Variants in CDH13 observed in about 807,000 individuals in gnomAD.
CDH13 encodes cadherin 13, also known as cadherin-13.
A neutral mutation model predicts 63.8 loss-of-function variants in CDH13; 24 were observed. The ratio of observed to expected loss-of-function variants is 0.38; its 90% CI spans 0.27 to 0.53. CDH13 has a LOEUF of 0.53. CDH13 is among the 20% of genes least tolerant of loss of function. The pLI is 0.85. For missense variants in CDH13, 1,049 were observed against 903.1 expected, an observed-to-expected ratio of 1.16 and a Z score of -2.07; for synonymous variants, 503 against 355.3, an observed-to-expected ratio of 1.42 and a Z score of -4.67.
chr16:83,556,037 C>T (rs934594260), intron 7 of CDH13, among the ~76,000 whole-genome samples: 5 of 152,116 alleles, frequency 3.3e-5, no homozygotes, highest in Non-Finnish European at 7.3e-5. Flanking sequence ...GTGACTCAAA[C>T]TATGCACCAG....
chr16:83,627,740 A>G (rs974975010), intron 8 of CDH13, among the ~76,000 whole-genome samples: 5 of 152,232 alleles, frequency 3.3e-5, no homozygotes, highest in Non-Finnish European at 7.4e-5. Context: ...AGACCCCAAG[A>G]GAGGGTTCTT....
At chr16:83,386,620 T>G (rs1051849406) in intron 6 of CDH13, among the ~76,000 whole-genome samples, 1 of 152,182 alleles carries the variant, frequency 6.6e-6, no homozygotes, top group African/African-American at 2.4e-5. Context: ...GTGCTACCCT[T>G]GCTAGTTGTG....
intron 2 of CDH13, among the ~76,000 whole-genome samples, chr16:82,978,215 TG>T (rs1909787466): frequency 6.6e-6 from 1 of 152,226 alleles, no homozygotes; most frequent in Non-Finnish European, 1.5e-5. Flanking sequence ...GGTTTGGAAT[TG>T]GAACTTATGT....
intron 1 of CDH13, among the ~76,000 whole-genome samples, chr16:82,739,919 G>C (rs1177188099): frequency 5.3e-5 from 8 of 152,114 alleles, no homozygotes. Context: ...GGCTACCTAT[G>C]AAATTATGTC....
chr16:83,336,437 A>T (rs889532209), intron 5 of CDH13, among the ~76,000 whole-genome samples: 1 of 152,190 alleles, frequency 6.6e-6, no homozygotes, highest in Non-Finnish European at 1.5e-5. Context: ...TACGCTAAAA[A>T]ACATTTTAGT....
chr16:83,224,022 A>T (rs1346170254), intron 5 of CDH13, among the ~76,000 whole-genome samples: 1 of 152,146 alleles, frequency 6.6e-6, no homozygotes, highest in Non-Finnish European at 1.5e-5. Context: ...CCCAAAGTCC[A>T]TTGTATCATT....
chr16:83,433,951 A>G (rs116213353), intron 6 of CDH13, among the ~76,000 whole-genome samples: 59 of 152,206 alleles, frequency 3.9e-4, no homozygotes, highest in African/African-American at 1.3e-3. Flanking sequence ...TTGGGGGGGA[A>G]TCAATCTTTT....
At chr16:83,577,603 C>T (rs188503266) in intron 7 of CDH13, among the ~76,000 whole-genome samples, 1 of 152,256 alleles carries the variant, frequency 6.6e-6, no homozygotes, top group Admixed American at 6.5e-5. Context: ...TGGTTGTCTG[C>T]TTTTAAGCAA....
At chr16:83,215,848 G>C (rs2039487199) in intron 4 of CDH13, among the ~76,000 whole-genome samples, 1 of 152,086 alleles carries the variant, frequency 6.6e-6, no homozygotes, top group Non-Finnish European at 1.5e-5. Flanking sequence ...CCTTTCAATT[G>C]TTTTGTTATA....
At chr16:82,896,846 T>TCTCG (rs1372015617) in intron 2 of CDH13, among the ~76,000 whole-genome samples, 1 of 138,848 alleles carries the variant, frequency 7.2e-6, no homozygotes, top group East Asian at 2.3e-4. Flanking sequence ...AGTGGTGCAG[T>TCTCG]CTCGGCTCAC....
intron 6 of CDH13, among the ~76,000 whole-genome samples, chr16:83,471,649 T>C (rs12716738): frequency 0.8 from 121,699 of 152,126 alleles, 48,769 homozygotes; most frequent in East Asian, 0.89. Context: ...GCCCCATGTG[T>C]CCAGCCTCCC....
intron 8 of CDH13, among the ~76,000 whole-genome samples, chr16:83,605,524 C>T (rs1430766615): frequency 6.6e-6 from 1 of 152,170 alleles, no homozygotes; most frequent in Non-Finnish European, 1.5e-5. Flanking sequence ...CCAGTCTCTT[C>T]ACCTGTTAAC....
intron 2 of CDH13, among the ~76,000 whole-genome samples, chr16:83,009,437 A>G (rs1160807554): frequency 2.0e-5 from 3 of 152,218 alleles, no homozygotes; most frequent in Non-Finnish European, 4.4e-5. Context: ...GTGTCTTTCT[A>G]TGTAATGGAT....
intron 3 of CDH13, among the ~76,000 whole-genome samples, chr16:83,052,701 C>T: frequency 6.9e-6 from 1 of 144,698 alleles, no homozygotes; most frequent in East Asian, 2.0e-4. Flanking sequence ...TGCTTGAACC[C>T]AGAAGACAGA....
Position 83,047,112 on chromosome 16 carries a change from T to C in CDH13, c.366+14894T>C, listed in dbSNP as rs78124178. 6.6e-6 allele frequency among the ~76,000 whole-genome samples: 1 copy of C among 152,152 alleles called. No homozygotes were observed. The highest frequency in any genetic ancestry group is 2.4e-5 in the African/African-American group (1 of 41,422). On this transcript the variant is annotated intron_variant, in intron 3 of 13. Coordinates refer to ENST00000567109, the MANE Select transcript of CDH13 (RefSeq NM_001257.5). This position sits in a 1 kb window ranked among gnomAD's most constrained non-coding sequence, Gnocchi z 4.9. ...AGCAACTTTTTACAACTTCCTTCCTTTGAAGATATAAAGCTTTAAACAGTA... is the reference window on the plus strand; with the variant it reads ...AGCAACTTTTTACAACTTCCTTCCTCTGAAGATATAAAGCTTTAAACAGTA...
intron 8 of CDH13, among the ~76,000 whole-genome samples, chr16:83,670,139 C>G (rs1009457642): frequency 1.6e-4 from 25 of 152,126 alleles, no homozygotes; most frequent in African/African-American, 5.8e-4. Flanking sequence ...CATATTAAAA[C>G]TGGATATGGA....
chr16:83,390,662 G>A (rs773442166), intron 6 of CDH13, among the ~76,000 whole-genome samples: 11 of 152,088 alleles, frequency 7.2e-5, no homozygotes, highest in Non-Finnish European at 1.5e-4. Flanking sequence ...GCCATGGCCC[G>A]AGATCAGATT....
At chr16:83,240,472 G>A (rs370623308) in intron 5 of CDH13, among the ~76,000 whole-genome samples, 2 of 151,930 alleles carry the variant, frequency 1.3e-5, no homozygotes, top group African/African-American at 2.4e-5. Context: ...GAAACCAGGT[G>A]AGAAAGAGGA....
At chr16:82,853,206 G>A (rs2039564716) in intron 1 of CDH13, among the ~76,000 whole-genome samples, 1 of 152,162 alleles carries the variant, frequency 6.6e-6, no homozygotes, top group South Asian at 2.1e-4. Context: ...TGTTCTGATG[G>A]TGCAGCTGAT....
Sources: gnomAD v4.1 joint callset for allele counts (sites outside exome capture counted in the v4.1 genomes callset) on GRCh38, gnomAD v4.1.1 for gene constraint, Gnocchi (gnomAD v3.1) non-coding constraint, MANE v1.5 for transcripts, NCBI Gene and HGNC (gene_info 2026-07-23, HGNC 2026-07-21) for gene names.